The following MYH13 variants were observed in gnomAD, a reference collection of about 807,000 sequenced individuals.
MYH13 encodes the protein myosin heavy chain 13.
Under a neutral mutation model 232.1 loss-of-function variants are expected in MYH13, and 177 were observed. The ratio of observed to expected loss-of-function variants is 0.76; its 90% CI spans 0.67 to 0.86. MYH13 has a LOEUF of 0.86. MYH13 is among the 40% of genes least tolerant of loss of function. The probability of loss-of-function intolerance (pLI) is 0.00; values close to 1 mark genes in which losing one functional copy is unlikely to be tolerated. For synonymous variants in MYH13, 884 were observed against 923.5 expected (o/e 0.96, Z 0.78); for missense variants, 2,246 against 2,405.9 (o/e 0.93, Z 1.39).
Position 10,306,869 on chromosome 17 carries a change from A to C in MYH13, c.5295+70T>G. The C allele has an allele frequency of 6.2e-7, 1 of 1,603,788 alleles. No homozygotes were observed. The highest frequency in any genetic ancestry group is 8.5e-7 in the Non-Finnish European group (1 of 1,178,374). Reference sequence around the variant, plus strand: ...TCATAAGAGATGAAACATACTTGCCACACCCTGGCTCAGAGGCCCCACTTT... The same window carrying C: ...TCATAAGAGATGAAACATACTTGCCCCACCCTGGCTCAGAGGCCCCACTTT... On this transcript the variant is annotated intron_variant, in intron 36 of 40. Transcript: ENST00000252172. The surrounding 1 kb of genome is among the most constrained non-coding windows in gnomAD (Gnocchi z 4.3).
intron 23 of MYH13, among the ~76,000 whole-genome samples, chr17:10,322,135 G>T (rs1407460747): frequency 6.6e-6 from 1 of 152,170 alleles, no homozygotes; most frequent in East Asian, 1.9e-4. Context: ...GCTCACGCCT[G>T]TAATCCCAGC....
intron 7 of MYH13, among the ~76,000 whole-genome samples, chr17:10,359,683 G>A (rs9807084): frequency 0.15 from 23,216 of 152,052 alleles, 2,341 homozygotes; most frequent in Non-Finnish European, 0.23. Context: ...CTTAACTTGT[G>A]TGATTTGATG....
At chr17:10,350,313 C>T (rs56889152) in intron 12 of MYH13, among the ~76,000 whole-genome samples, 2 of 152,046 alleles carry the variant, frequency 1.3e-5, no homozygotes, top group Non-Finnish European at 2.9e-5. Context: ...TAGTGGAGTG[C>T]GTGGTGATTA....
chr17:10,350,831 ATG>A (rs1185798139), intron 11 of MYH13, 137 bp from the exon 12 acceptor site: 1 of 1,123,346 alleles, frequency 8.9e-7, no homozygotes, highest in Admixed American at 1.8e-5. Context: ...ACAGGTGGGG[ATG>A]TGGTAAATTA....
chr17:10,360,548 A>G (rs1222043598), intron 5 of MYH13, among the ~76,000 whole-genome samples: 1 of 152,198 alleles, frequency 6.6e-6, no homozygotes, highest in Non-Finnish European at 1.5e-5. Flanking sequence ...ACAGCTTTTC[A>G]TCAGCATTTA....
intron 2 of MYH13, among the ~76,000 whole-genome samples, chr17:10,370,329 C>A (rs561186659): frequency 2.0e-5 from 3 of 152,358 alleles, no homozygotes; most frequent in African/African-American, 7.2e-5. Context: ...GAAGACCATT[C>A]ATTTTTGACT....
chr17:10,359,518 T>G (rs890240861), intron 7 of MYH13, among the ~76,000 whole-genome samples: 9 of 152,130 alleles, frequency 5.9e-5, no homozygotes, highest in Non-Finnish European at 1.3e-4. Flanking sequence ...GTAAGCAAAG[T>G]GTTTCTCTGA....
chr17:10,335,940 A>G (rs907207203), intron 18 of MYH13, among the ~76,000 whole-genome samples: 6 of 152,224 alleles, frequency 3.9e-5, no homozygotes, highest in Non-Finnish European at 8.8e-5. Flanking sequence ...TGAAAGGACC[A>G]TCATTTTACA....
rs777507404 is a variant in MYH13, at chr17:10,364,327, C to G, written c.204G>C (p.Arg68=). 2.6e-5 allele frequency: 42 copies of G among 1,612,154 alleles called. No homozygotes were observed. Among genetic ancestry groups the G allele is most frequent in the Non-Finnish European group, 8.5e-7 (1 of 1,178,580 alleles). The change falls in exon 3 of 41, where the codon CGG becomes CGC. Residue 68 remains arginine, a splice_region_variant and synonymous_variant. Coordinates refer to ENST00000252172, the MANE Select transcript of MYH13 (RefSeq NM_003802.3). Reference sequence around the variant, plus strand: ...AAAGACATCTGTAATCAACACTCACCCGGTCATCGAGGGTCTTGACTATGA... The same window carrying G: ...AAAGACATCTGTAATCAACACTCACGCGGTCATCGAGGGTCTTGACTATGA... ...DKVIVKTLDD[R]MLTLNNDQVF... is the part of the protein sequence containing the mutation.
At chr17:10,349,098 C>T (rs2071690247) in intron 12 of MYH13, among the ~76,000 whole-genome samples, 1 of 147,942 alleles carries the variant, frequency 6.8e-6, no homozygotes, top group African/African-American at 2.5e-5. Flanking sequence ...CTCTCTCTTT[C>T]TCTTTCTTTC....
chr17:10,372,828 C>T (rs1056657305), intron 1 of MYH13, among the ~76,000 whole-genome samples, 151 bp downstream of exon 1: 6 of 152,282 alleles, frequency 3.9e-5, no homozygotes, highest in African/African-American at 1.4e-4. Flanking sequence ...GTCTTTCCAT[C>T]TTGTCTCCAA....
chr17:10,356,668 G>A (rs1332885327), intron 8 of MYH13, among the ~76,000 whole-genome samples: 1 of 152,176 alleles, frequency 6.6e-6, no homozygotes, highest in African/African-American at 2.4e-5. Flanking sequence ...GGTCCTTGAT[G>A]GATTACCTAC....
In MYH13 at chr17:10,364,333, A is replaced by T. The variant is rs747205288; in HGVS notation, c.198T>A (p.Asp66Glu). 2.3e-5 allele frequency: 37 copies of T among 1,612,994 alleles called. No homozygotes were observed. Among genetic ancestry groups the T allele is most frequent in the Non-Finnish European group, 2.9e-5 (34 of 1,179,208 alleles). ...ENDKVIVKTLDDRMLTLNNDQ... is the reference protein window; with the variant it reads ...ENDKVIVKTLEDRMLTLNNDQ... ...ATCTGTAATCAACACTCACCCGGTC[A>T]TCGAGGGTCTTGACTATGACTTTGT... The change falls in exon 3 of 41, where the codon GAT becomes GAA. Residue 66 changes from aspartate (D) to glutamate (E), a missense_variant. Physicochemically the swap from Asp to Glu is conservative, Grantham distance 45. Transcript: ENST00000252172.
At chr17:10,353,746 C>T (rs2071727555) in intron 11 of MYH13, among the ~76,000 whole-genome samples, 1 of 151,986 alleles carries the variant, frequency 6.6e-6, no homozygotes, top group African/African-American at 2.4e-5. Flanking sequence ...GTGGTGCATG[C>T]CTTGTAGTTC....
intron 10 of MYH13, 31 bp from the exon 11 acceptor site, chr17:10,354,814 T>C: frequency 1.2e-6 from 2 of 1,600,866 alleles, no homozygotes; most frequent in Non-Finnish European, 8.5e-7. Context: ...TTTAATGGCT[T>C]ATGCATAACT....
intron 26 of MYH13, among the ~76,000 whole-genome samples, chr17:10,319,555 A>G (rs923250565): frequency 2.6e-5 from 4 of 151,976 alleles, no homozygotes; most frequent in African/African-American, 9.7e-5. Flanking sequence ...TGGTGAAAAA[A>G]CTTGGAAACA....
At chr17:10,348,263 A>G (rs1370680791) in intron 12 of MYH13, among the ~76,000 whole-genome samples, 1 of 152,200 alleles carries the variant, frequency 6.6e-6, no homozygotes, top group African/African-American at 2.4e-5. Flanking sequence ...CTTTGTTCAG[A>G]CAGGCACCAA....
chr17:10,355,774 T>G (rs1226511366), intron 8 of MYH13, among the ~76,000 whole-genome samples: 1 of 151,926 alleles, frequency 6.6e-6, no homozygotes, highest in Non-Finnish European at 1.5e-5. Context: ...ATACCTGGAT[T>G]CTTAAATCTT....
At chr17:10,323,797 A>AAGG (rs1907090423) in intron 23 of MYH13, among the ~76,000 whole-genome samples, 2 of 67,170 alleles carry the variant, frequency 3.0e-5, no homozygotes, top group African/African-American at 9.8e-5. Context: ...AAAGAAGAAG[A>AAGG]AGAAGAAGAA....
Sources: gnomAD v4.1 joint callset for allele counts (sites outside exome capture counted in the v4.1 genomes callset) on GRCh38, gnomAD v4.1.1 for gene constraint, Gnocchi (gnomAD v3.1) non-coding constraint, MANE v1.5 for transcripts, NCBI Gene and HGNC (gene_info 2026-07-23, HGNC 2026-07-21) for gene names.